GPRIN3: variants seen among roughly 807,000 people sequenced by gnomAD.
The protein encoded by GPRIN3 is GPRIN family member 3.
A neutral mutation model predicts 13.7 loss-of-function variants in GPRIN3; 12 were observed. The ratio of observed to expected loss-of-function variants is 0.87; its 90% CI spans 0.56 to 1.42. The LOEUF (loss-of-function observed/expected upper bound fraction) is 1.42. Ranked by LOEUF, GPRIN3 falls within the 40% of genes most tolerant of loss-of-function variation. GPRIN3 has a pLI of 0.00. For synonymous variants in GPRIN3, 377 were observed against 372.7 expected, an observed-to-expected ratio of 1.01 and a Z score of -0.13; for missense variants, 1,009 against 958.7, an observed-to-expected ratio of 1.05 and a Z score of -0.69.
In GPRIN3 at chr4:89,266,985, G is replaced by T. The variant is rs55709512; in HGVS notation, c.-123-16752C>A. Among the ~76,000 whole-genome samples the T allele has an allele frequency of 4.9e-3, 748 of 152,210 alleles. 9 individuals carry two copies. Among genetic ancestry groups the T allele is most frequent in the African/African-American group, 0.017 (711 of 41,526 alleles). On this transcript the variant is annotated intron_variant, in intron 1 of 1. Transcript: ENST00000609438. The stretch of plus-strand genomic sequence containing the variant: ...ATTTATATATAACATAACATGTAGA[G>T]AAAATATATATGTAAAGAAAATTAG...
chr4:89,250,436 T>G, intron 1 of GPRIN3: 1 of 196,828 alleles, frequency 5.1e-6, no homozygotes, highest in Non-Finnish European at 1.0e-5. Flanking sequence ...AAATTATAAT[T>G]ACGAAAATAT....
At position 89,240,767 on chromosome 4, in the gene GPRIN3, T is replaced by C. The variant is rs997410605; in HGVS notation, c.*7013A>G. 1 of 152,182 alleles carries C rather than the reference T, an allele frequency of 6.6e-6. No individual in the cohort carries two copies. The highest frequency in any genetic ancestry group is 2.4e-5 in the African/African-American group (1 of 41,440). The allele number at this position is 152,182 out of a possible 1,614,324, so 9.4% of individuals were successfully genotyped here. ...TTGTAAAACAGAGCAGTCATGGAAA[T>C]ATGCAACTTTCAATTAGTGGTTTTA... On this transcript the variant is annotated 3_prime_UTR_variant, in exon 2 of 2. Transcript: ENST00000609438.
chr4:89,286,285 T>C (rs974019406), intron 1 of GPRIN3, among the ~76,000 whole-genome samples: 7 of 152,180 alleles, frequency 4.6e-5, no homozygotes, highest in African/African-American at 1.4e-4. Context: ...TTTTTGCTGA[T>C]GGTCTTATTA....
At chr4:89,275,138 G>GTGTGTGTGTGTGTT (rs1280821086) in intron 1 of GPRIN3, among the ~76,000 whole-genome samples, 1 of 150,022 alleles carries the variant, frequency 6.7e-6, no homozygotes, top group Non-Finnish European at 1.5e-5. Context: ...AAGTAACTCT[G>GTGTGTGTGTGTGTT]TGTGTGTGTG....
chr4:89,302,017 T>TA (rs1466339638), intron 1 of GPRIN3, among the ~76,000 whole-genome samples: 1 of 152,164 alleles, frequency 6.6e-6, no homozygotes, highest in Non-Finnish European at 1.5e-5. Context: ...ATCCAAGAAT[T>TA]AAAAATTTTA....
In GPRIN3 at chr4:89,248,262, G is replaced by T; in HGVS notation, c.1849C>A (p.Pro617Thr). The T allele has an allele frequency of 3.1e-6, 5 of 1,614,164 alleles. No homozygotes were observed. Among genetic ancestry groups the T allele is most frequent in the Non-Finnish European group, 4.2e-6 (5 of 1,180,016 alleles). Residue 617 changes from proline to threonine, a missense_variant, in exon 2 of 2, where the codon CCA (proline) becomes ACA (threonine). Transcript: ENST00000609438. ...LPSDPMGDSS[P>T]GSGKKTPSRS... ...GATGGGGTCTTCTTGCCAGAACCTGGGCTGGAGTCACCCATGGGATCAGAT... is the reference window on the plus strand; with the variant it reads ...GATGGGGTCTTCTTGCCAGAACCTGTGCTGGAGTCACCCATGGGATCAGAT...
chr4:89,295,546 T>A (rs112663313), intron 1 of GPRIN3, among the ~76,000 whole-genome samples: 1 of 152,144 alleles, frequency 6.6e-6, no homozygotes, highest in Admixed American at 6.5e-5. Context: ...TTGGTGATGA[T>A]GAAGAGGGGG....
rs774983396 is a variant in GPRIN3 at position 89,249,850 on chromosome 4, C to T, written c.261G>A (p.Val87=). The change falls in exon 2 of 2, where the codon GTG becomes GTA. Residue 87 remains valine, a synonymous_variant. Transcript: ENST00000609438. ...AGTTGAATGTGGCAGGTGCTTTCTG[C>T]ACTTCATTGAACACACCAGGAGAAG... ...DMSSPGVFNE[V]QKAPATFNSP... 4 of 1,614,172 alleles carry T rather than the reference C, an allele frequency of 2.5e-6. No individual in the cohort carries two copies. Among genetic ancestry groups the T allele is most frequent in the South Asian group, 1.1e-5 (1 of 91,086 alleles).
In GPRIN3 at chr4:89,273,015, A is replaced by G. The variant is rs1482544841; in HGVS notation, c.-123-22782T>C. On this transcript the variant is annotated intron_variant, in intron 1 of 1. Coordinates refer to ENST00000609438, the MANE Select transcript of GPRIN3 (RefSeq NM_198281.3). ...AAATGAGAAAGAAGGAATGAACCACATTTTTTTTTGTAGATCATTTATTTT... is the reference window on the plus strand; with the variant it reads ...AAATGAGAAAGAAGGAATGAACCACGTTTTTTTTTGTAGATCATTTATTTT... Among the ~76,000 whole-genome samples the G allele has an allele frequency of 2.0e-5, 3 of 151,432 alleles. No individual in the cohort carries two copies. In the East Asian group the frequency reaches 5.8e-4, roughly 29 times the overall value.
Position 89,249,787 on chromosome 4 carries a change from G to A in GPRIN3, c.324C>T (p.Pro108=), listed in dbSNP as rs764481755. Residue 108 remains proline, a synonymous_variant, in exon 2 of 2, where the codon CCC becomes CCT. Coordinates refer to ENST00000609438, the MANE Select transcript of GPRIN3 (RefSeq NM_198281.3). ...GNPQLPGSSQ[P]AASAPSSAAG... ...CTGCAGAACTCGGGGCTGATGCTGC[G>A]GGCTGGCTGCTCCCTGGCAGCTGGG... 1.1e-5 allele frequency: 18 copies of A among 1,614,042 alleles called. No homozygotes were observed. The Admixed American group carries it at 1.3e-4, about 12-fold the overall frequency.
At chr4:89,259,202 G>A (rs1723560145) in intron 1 of GPRIN3, among the ~76,000 whole-genome samples, 1 of 152,050 alleles carries the variant, frequency 6.6e-6, no homozygotes, top group Non-Finnish European at 1.5e-5. Flanking sequence ...CAGGTGGGAG[G>A]AATAGACTTT....
chr4:89,267,200 G>A (rs916497537), intron 1 of GPRIN3, among the ~76,000 whole-genome samples: 2 of 152,140 alleles, frequency 1.3e-5, no homozygotes, highest in African/African-American at 4.8e-5. Context: ...TAGCCAAGAG[G>A]TTTCCCATTT....
intron 1 of GPRIN3, among the ~76,000 whole-genome samples, chr4:89,299,758 G>T (rs935735561): frequency 6.6e-6 from 1 of 152,078 alleles, no homozygotes; most frequent in Non-Finnish European, 1.5e-5. Context: ...TCAACTGCCA[G>T]GCCTGCTAAA....
In GPRIN3 at chr4:89,274,340, G is replaced by A. The variant is rs894540546; in HGVS notation, c.-123-24107C>T. Among the ~76,000 whole-genome samples the A allele has an allele frequency of 2.6e-5, 4 of 152,198 alleles. No homozygotes were observed. The East Asian group carries it at 7.7e-4, about 29-fold the overall frequency. Reference sequence around the variant, plus strand: ...TTACTAAGGTGTGGGATAACAGCAAGGAAGCTGAAATGTTTATTTGGAAGT... The same window carrying A: ...TTACTAAGGTGTGGGATAACAGCAAAGAAGCTGAAATGTTTATTTGGAAGT... On this transcript the variant is annotated intron_variant, in intron 1 of 1. Transcript: ENST00000609438.
intron 1 of GPRIN3, among the ~76,000 whole-genome samples, chr4:89,288,946 T>G (rs575618931): frequency 6.6e-6 from 1 of 152,142 alleles, no homozygotes; most frequent in African/African-American, 2.4e-5. Context: ...ATTTTATTCT[T>G]CATCTACCTT....
At chr4:89,260,454 G>A (rs952583207) in intron 1 of GPRIN3, among the ~76,000 whole-genome samples, 3 of 152,168 alleles carry the variant, frequency 2.0e-5, no homozygotes, top group South Asian at 2.1e-4. Flanking sequence ...GAAAGAACCC[G>A]TCACTCTCTT....
intron 1 of GPRIN3, among the ~76,000 whole-genome samples, chr4:89,289,401 A>G (rs1400083804): frequency 6.6e-6 from 1 of 152,106 alleles, no homozygotes; most frequent in African/African-American, 2.4e-5. Context: ...TCATTTTGAC[A>G]GCTTTTGTCC....
At chr4:89,307,556 C>G (rs879463857) in intron 1 of GPRIN3, 59 bp downstream of exon 1, 5 of 152,322 alleles carry the variant, frequency 3.3e-5, no homozygotes, top group Non-Finnish European at 7.3e-5. Flanking sequence ...GAGCACACCA[C>G]CAGGCTCCGG....
intron 1 of GPRIN3, among the ~76,000 whole-genome samples, chr4:89,278,929 C>T (rs1433689756): frequency 1.3e-5 from 2 of 152,186 alleles, no homozygotes; most frequent in South Asian, 2.1e-4. Context: ...AGAGGCCTGT[C>T]ACTGGAAGAA....
Sources: gnomAD v4.1 joint callset for allele counts (sites outside exome capture counted in the v4.1 genomes callset) on GRCh38, gnomAD v4.1.1 for gene constraint, MANE v1.5 for transcripts, NCBI Gene and HGNC (gene_info 2026-07-23, HGNC 2026-07-21) for gene names.